The following NKIRAS2 variants were observed in gnomAD, a reference collection of about 807,000 sequenced individuals.
NKIRAS2 encodes the protein NFKB inhibitor interacting Ras like 2.
In NKIRAS2, 15 loss-of-function variants were observed where a neutral mutation model predicts 20.7. That is an observed-to-expected ratio of 0.73 (90% CI 0.49 to 1.12). The LOEUF is 1.12. Ranked by LOEUF, NKIRAS2 falls within the 50% of genes most tolerant of loss-of-function variation. NKIRAS2 has a pLI of 0.00. For missense variants in NKIRAS2, 196 were observed against 249.6 expected (o/e 0.79, Z 1.45); for synonymous variants, 116 against 101.4 (o/e 1.14, Z -0.87).
intron 2 of NKIRAS2, chr17:42,022,139 G>T (rs1323648190): frequency 4.2e-5 from 20 of 472,924 alleles, no homozygotes; most frequent in Non-Finnish European, 7.8e-5. Flanking sequence ...AACTCGGGAG[G>T]TGGAGGTTGC....
upstream of NKIRAS2, among the ~76,000 whole-genome samples, chr17:42,018,284 C>T (rs2052361702): frequency 6.6e-6 from 1 of 152,022 alleles, no homozygotes; most frequent in African/African-American, 2.4e-5. Flanking sequence ...GTTTAACTGT[C>T]TTTGTTGTTA....
chr17:42,019,440 T>C (rs939364298), upstream of NKIRAS2, among the ~76,000 whole-genome samples: 1 of 152,230 alleles, frequency 6.6e-6, no homozygotes, highest in African/African-American at 2.4e-5. Flanking sequence ...GGCTTTCCAT[T>C]GCCGTCAATT....
At chr17:42,018,162 G>A (rs534979034), upstream of NKIRAS2, among the ~76,000 whole-genome samples, 1 of 152,242 alleles carries the variant, frequency 6.6e-6, no homozygotes, top group South Asian at 2.1e-4. Context: ...GCGGGGTGAG[G>A]TCCTTGCTCT....
chr17:42,020,664 T>A (rs892447063), intron 1 of NKIRAS2: 16 of 152,250 alleles, frequency 1.1e-4, no homozygotes, highest in Non-Finnish European at 2.1e-4. Flanking sequence ...TCTTGTCTTA[T>A]GTTCATTTTA....
upstream of NKIRAS2, chr17:42,017,580 G>A (rs111818526): frequency 2.4e-5 from 20 of 835,678 alleles, no homozygotes; most frequent in Middle Eastern, 3.6e-4. Context: ...GCCCCCGGAT[G>A]TCCACGGTGG....
At chr17:42,023,112 T>A in intron 3 of NKIRAS2, 1 of 345,220 alleles carries the variant, frequency 2.9e-6, no homozygotes, top group Non-Finnish European at 6.0e-6. Context: ...TAGGTGGTCC[T>A]CCTGCCTCAG....
At chr17:42,022,157 C>T (rs371541221) in intron 2 of NKIRAS2, 226 of 497,610 alleles carry the variant, frequency 4.5e-4, no homozygotes, top group African/African-American at 3.5e-3. Context: ...TGCGGTGAGC[C>T]GAGATTGCGC....
At chr17:42,019,560 A>G (rs1448494718), upstream of NKIRAS2, among the ~76,000 whole-genome samples, 1 of 152,184 alleles carries the variant, frequency 6.6e-6, no homozygotes, top group Non-Finnish European at 1.5e-5. Context: ...ATTGAACCCA[A>G]GTTCTCATAG....
At chr17:42,022,743 A>T in intron 3 of NKIRAS2, 103 bp downstream of exon 3, 1 of 1,426,562 alleles carries the variant, frequency 7.0e-7, no homozygotes, top group South Asian at 1.3e-5. Flanking sequence ...CTCCAAGGTG[A>T]GTTAGGAGCC....
rs2052403328 is a variant in NKIRAS2 at position 42,020,141 on chromosome 17, G to A, written c.-78G>A. The A allele has an allele frequency of 6.6e-6, 1 of 152,528 alleles. No individual in the cohort carries two copies. The highest frequency in any genetic ancestry group is 1.9e-4 in the East Asian group (1 of 5,182). The allele number at this position is 152,528 out of a possible 1,614,324, so 9.4% of individuals were successfully genotyped here. Reference sequence around the variant, plus strand: ...GGAAGACTGGAGCCTTTGCGGCGGCGCTGCCCCTCCCCTGGTCCCCGCGAG... The same window carrying A: ...GGAAGACTGGAGCCTTTGCGGCGGCACTGCCCCTCCCCTGGTCCCCGCGAG... On this transcript the variant is annotated 5_prime_UTR_variant, in exon 1 of 4. Transcript: ENST00000393885.
upstream of NKIRAS2, chr17:42,019,948 C>T (rs2052397901): frequency 2.6e-5 from 4 of 152,294 alleles, no homozygotes; most frequent in African/African-American, 7.2e-5. Context: ...ACCTTGGGCT[C>T]CCGCGCACAC....
chr17:42,019,286 A>G (rs1031757210), upstream of NKIRAS2, among the ~76,000 whole-genome samples: 3 of 152,280 alleles, frequency 2.0e-5, no homozygotes, highest in Admixed American at 2.0e-4. Flanking sequence ...AACGGCAACA[A>G]CAACAACAAC....
rs782308430 is a variant in NKIRAS2, at chr17:42,022,591, G to A, written c.287G>A (p.Arg96His). The change falls in exon 3 of 4, where the codon CGT (arginine) becomes CAT (histidine). Residue 96 changes from arginine (R) to histidine (H), a missense_variant. By Grantham distance (29) the Arg-to-His change is conservative. Transcript: ENST00000393885. ...YSTDSRESFQRVELLKKEIDK... is the reference protein window; with the variant it reads ...YSTDSRESFQHVELLKKEIDK... ...ACAGATAGCAGAGAGTCTTTTCAGC[G>A]TGTGGAGCTGCTCAAGAAGGAGATT... 36 of 1,613,956 alleles carry A rather than the reference G, an allele frequency of 2.2e-5. No individual in the cohort carries two copies. The highest frequency in any genetic ancestry group is 2.9e-5 in the Non-Finnish European group (34 of 1,179,976).
chr17:42,024,022 G>A lies in NKIRAS2; in HGVS notation c.*129G>A, dbSNP rs984435148. ...GCCAGGGAGCTCCCCGCCAGGCCAC[G>A]CCCCAGCCACTTTGCTCCCTCTCAC... On this transcript the variant is annotated 3_prime_UTR_variant, in exon 4 of 4. Coordinates refer to ENST00000393885, the MANE Select transcript of NKIRAS2 (RefSeq NM_017595.6). The A allele has an allele frequency of 2.3e-5, 33 of 1,418,752 alleles. No homozygotes were observed. The highest frequency in any genetic ancestry group is 2.9e-5 in the Non-Finnish European group (31 of 1,072,204). 87.9% of individuals were successfully genotyped at this position (1,418,752 alleles called of 1,614,324 possible). A position where few individuals can be genotyped will look rare whatever the true frequency, so the allele number is the denominator to read the frequency against.
upstream of NKIRAS2, among the ~76,000 whole-genome samples, chr17:42,018,977 G>T (rs1271731195): frequency 6.6e-6 from 1 of 152,142 alleles, no homozygotes; most frequent in African/African-American, 2.4e-5. Context: ...CCTAAATTCC[G>T]TATCTTGTTA....
In NKIRAS2 at chr17:42,023,902, C is replaced by G. The variant is rs782139181; in HGVS notation, c.*9C>G. The G allele has an allele frequency of 6.2e-7, 1 of 1,613,228 alleles. No homozygotes were observed. The highest frequency in any genetic ancestry group is 1.1e-5 in the South Asian group (1 of 91,016). On this transcript the variant is annotated 3_prime_UTR_variant, in exon 4 of 4. Coordinates refer to ENST00000393885, the MANE Select transcript of NKIRAS2 (RefSeq NM_017595.6). ...GCTCCTTGGATGGCTGAAGAGCTGCCGTTCCTCTTTCACGATCCCAGCCCC... is the reference window on the plus strand; with the variant it reads ...GCTCCTTGGATGGCTGAAGAGCTGCGGTTCCTCTTTCACGATCCCAGCCCC...
chr17:42,020,378 A>G (rs1227317116), intron 1 of NKIRAS2, 174 bp downstream of exon 1: 3 of 152,054 alleles, frequency 2.0e-5, no homozygotes, highest in African/African-American at 7.3e-5. Context: ...GGGGCTCGCT[A>G]TATGGAGAGG....
In NKIRAS2 at chr17:42,023,776, C is replaced by G. The variant is rs538832047; in HGVS notation, c.459C>G (p.Asp153Glu). Residue 153 changes from aspartate (D) to glutamate (E), a missense_variant, in exon 4 of 4, where the codon GAC (aspartate) becomes GAG (glutamate). Coordinates refer to ENST00000393885, the MANE Select transcript of NKIRAS2 (RefSeq NM_017595.6). The stretch of plus-strand genomic sequence containing the variant: ...AGCTGTGGGAGGTGTCAGTGGCGGA[C>G]CGGCGCTCCCTCCTGGAGCCCTTTG... ...KVKLWEVSVA[D>E]RRSLLEPFVY... is the part of the protein sequence containing the mutation. The G allele has an allele frequency of 1.9e-6, 3 of 1,614,036 alleles. No individual in the cohort carries two copies. In the African/African-American group the frequency reaches 4.0e-5, roughly 22 times the overall value.
At chr17:42,017,716 A>G, upstream of NKIRAS2, 5 of 510,892 alleles carry the variant, frequency 9.8e-6, no homozygotes, top group South Asian at 2.2e-5. Context: ...TCAGTATTCC[A>G]AGAGCCTCAT....
Sources: allele counts gnomAD v4.1 joint callset (sites outside exome capture counted in the v4.1 genomes callset), GRCh38; gene constraint gnomAD v4.1.1; transcripts MANE v1.5; gene names NCBI Gene and HGNC (gene_info 2026-07-23, HGNC 2026-07-21).